Variants in ATP2B2 observed in about 807,000 individuals in gnomAD.
ATP2B2 encodes the protein plasma membrane calcium-transporting ATPase 2.
ATP2B2 carries 15 observed loss-of-function variants against 120.0 expected under a neutral mutation model. That is an observed-to-expected ratio of 0.12 (90% CI 0.08 to 0.19). ATP2B2 has a LOEUF of 0.19. ATP2B2 is among the 10% of genes least tolerant of loss of function. The pLI is 1.00. For missense variants in ATP2B2, 1,045 were observed against 1,719.8 expected (o/e 0.61, Z 6.94); for synonymous variants, 694 against 700.3 (o/e 0.99, Z 0.14).
intron 1 of ATP2B2, among the ~76,000 whole-genome samples, chr3:10,633,649 A>G (rs1217561602): frequency 6.6e-6 from 1 of 152,248 alleles, no homozygotes; most frequent in African/African-American, 2.4e-5. Flanking sequence ...AGTATGCAAG[A>G]AAAACTGAAA....
At chr3:10,416,360 C>T (rs1253020736) in intron 2 of ATP2B2, among the ~76,000 whole-genome samples, 1 of 152,198 alleles carries the variant, frequency 6.6e-6, no homozygotes, top group Non-Finnish European at 1.5e-5. Flanking sequence ...CATTCCCATT[C>T]CTTTGCTTGG....
chr3:10,518,196 A>G (rs1207436481), intron 3 of ATP2B2, among the ~76,000 whole-genome samples: 1 of 152,158 alleles, frequency 6.6e-6, no homozygotes, highest in African/African-American at 2.4e-5. Flanking sequence ...CCTTTTAGAA[A>G]CATATGTATC....
chr3:10,653,577 A>T (rs977029450), intron 1 of ATP2B2, among the ~76,000 whole-genome samples: 1 of 152,156 alleles, frequency 6.6e-6, no homozygotes, highest in Non-Finnish European at 1.5e-5. Context: ...CCTGGATGTA[A>T]ATATGTGCAC....
chr3:10,484,869 T>A (rs1009658945), intron 1 of ATP2B2, among the ~76,000 whole-genome samples: 2 of 152,226 alleles, frequency 1.3e-5, no homozygotes, highest in Non-Finnish European at 2.9e-5. Context: ...CCAGCTCACG[T>A]CTGCGCAGAT....
At chr3:10,658,700 C>T (rs2070702338) in intron 1 of ATP2B2, among the ~76,000 whole-genome samples, 1 of 152,018 alleles carries the variant, frequency 6.6e-6, no homozygotes, top group Admixed American at 6.5e-5. Context: ...ACTTCCCCAA[C>T]CTAGCAAGGC....
At chr3:10,510,041 G>A (rs867290734), upstream of ATP2B2, among the ~76,000 whole-genome samples, 6 of 152,196 alleles carry the variant, frequency 3.9e-5, no homozygotes, top group South Asian at 2.1e-4. Flanking sequence ...AAATGCTGGC[G>A]GAGAGTAGGT....
Position 10,606,943 on chromosome 3 carries a change from AGGGAGAGG to A in ATP2B2, c.-415+12966_-415+12973del, listed in dbSNP as rs1228620886. Among the ~76,000 whole-genome samples, 183 of 72,048 alleles carry A rather than the reference AGGGAGAGG, an allele frequency of 2.5e-3. 3 individuals are homozygous for A. The highest frequency in any genetic ancestry group is 0.011 in the African/African-American group (116 of 10,930). The allele number at this position is 72,048 out of a possible 152,430, so 47.3% of individuals were successfully genotyped here. ...GAGAGAGAGAGAGAGAGAGAGGGAG[AGGGAGAGG>A]GGGAGGGGGGGAGAGAGAGAGAGAG... On this transcript the variant is annotated intron_variant, in intron 2 of 21. Transcript: ENST00000646379.
At chr3:10,527,917 G>C (rs1245788060) in intron 3 of ATP2B2, among the ~76,000 whole-genome samples, 1 of 152,134 alleles carries the variant, frequency 6.6e-6, no homozygotes, top group Non-Finnish European at 1.5e-5. Context: ...TGCCAGCAGG[G>C]CTGCCTCCCT....
intron 3 of ATP2B2, among the ~76,000 whole-genome samples, chr3:10,518,861 A>G (rs904680969): frequency 1.3e-5 from 2 of 152,184 alleles, no homozygotes; most frequent in Non-Finnish European, 2.9e-5. Flanking sequence ...CTGTGTGGCC[A>G]TGGGAAAGTG....
At chr3:10,503,525 G>C (rs1250018145) in intron 1 of ATP2B2, among the ~76,000 whole-genome samples, 1 of 152,246 alleles carries the variant, frequency 6.6e-6, no homozygotes, top group African/African-American at 2.4e-5. Flanking sequence ...GTCCTCATCG[G>C]AAGTCCCTTA....
At position 10,350,468 on chromosome 3, in the gene ATP2B2, T is replaced by A. The variant is rs755630251; in HGVS notation, c.2246A>T (p.His749Leu). ...RAIAIKCGIIHPGEDFLCLEG... is the reference protein window; with the variant it reads ...RAIAIKCGIILPGEDFLCLEG... The stretch of plus-strand genomic sequence containing the variant: ...GAGGCACAGAAAGTCCTCCCCAGGA[T>A]GGATGATGCCACACTTGATGGCGAT... The change falls in exon 15 of 23, where the codon CAT becomes CTT. Residue 749 changes from histidine (H) to leucine (L), a missense_variant. Coordinates refer to ENST00000360273, the MANE Select transcript of ATP2B2 (RefSeq NM_001001331.4). 1 of 1,614,218 alleles carries A rather than the reference T, an allele frequency of 6.2e-7. No homozygotes were observed. Among genetic ancestry groups the A allele is most frequent in the Non-Finnish European group, 8.5e-7 (1 of 1,180,024 alleles).
At chr3:10,497,716 C>T (rs886613261) in intron 1 of ATP2B2, among the ~76,000 whole-genome samples, 2 of 152,178 alleles carry the variant, frequency 1.3e-5, no homozygotes, top group East Asian at 3.8e-4. Flanking sequence ...GCTTTAAATT[C>T]CTCCTTGTAC....
chr3:10,479,903 C>A (rs1193664538), intron 1 of ATP2B2, among the ~76,000 whole-genome samples: 1 of 152,172 alleles, frequency 6.6e-6, no homozygotes, highest in Admixed American at 6.5e-5. Flanking sequence ...CCAGCCTGGG[C>A]AACATGACAA....
chr3:10,355,629 C>A (rs1312314371), intron 14 of ATP2B2, among the ~76,000 whole-genome samples: 1 of 152,292 alleles, frequency 6.6e-6, no homozygotes, highest in East Asian at 1.9e-4. Flanking sequence ...TCCAGGCCCC[C>A]CTTTCCCAGA....
chr3:10,529,460 A>G (rs900995918), intron 3 of ATP2B2, among the ~76,000 whole-genome samples: 1 of 152,218 alleles, frequency 6.6e-6, no homozygotes, highest in African/African-American at 2.4e-5. Context: ...ATGTAAGACA[A>G]TGACCCCACA....
intron 1 of ATP2B2, among the ~76,000 whole-genome samples, chr3:10,682,124 T>C (rs1011335118): frequency 1.3e-5 from 2 of 152,192 alleles, no homozygotes; most frequent in Non-Finnish European, 2.9e-5. Context: ...CTTTCAATAT[T>C]GATTCCATAA....
intron 2 of ATP2B2, among the ~76,000 whole-genome samples, chr3:10,614,976 C>T (rs530730197): frequency 3.6e-4 from 55 of 152,242 alleles, no homozygotes; most frequent in Non-Finnish European, 5.7e-4. Flanking sequence ...ATCAAGTGTC[C>T]CCTCAATTCC....
intron 2 of ATP2B2, among the ~76,000 whole-genome samples, chr3:10,539,300 A>C (rs1264774614): frequency 6.6e-6 from 1 of 152,242 alleles, no homozygotes; most frequent in African/African-American, 2.4e-5. Context: ...ATACTGCCCA[A>C]GGTAATTTAT....
chr3:10,404,748 A>G (rs982173594), intron 3 of ATP2B2, among the ~76,000 whole-genome samples: 3 of 152,206 alleles, frequency 2.0e-5, no homozygotes, highest in African/African-American at 7.2e-5. Flanking sequence ...AATGACACCA[A>G]TAGAGACTCC....
Sources: allele counts gnomAD v4.1 joint callset (sites outside exome capture counted in the v4.1 genomes callset), GRCh38; gene constraint gnomAD v4.1.1; transcripts MANE v1.5; gene names NCBI Gene and HGNC (gene_info 2026-07-23, HGNC 2026-07-21).